The following SLC8A1 variants were observed in gnomAD, a reference collection of about 807,000 sequenced individuals.
SLC8A1 encodes solute carrier family 8 member A1, also known as sodium/calcium exchanger 1.
SLC8A1 carries 18 observed loss-of-function variants against 68.3 expected under a neutral mutation model. The ratio of observed to expected loss-of-function variants is 0.26; its 90% CI spans 0.18 to 0.39. The LOEUF (loss-of-function observed/expected upper bound fraction) is 0.39, where lower values mean the gene tolerates loss of function less well. Ranked by LOEUF, SLC8A1 falls within the 10% of genes least tolerant of loss-of-function variation. The probability of loss-of-function intolerance (pLI) is 1.00; values close to 1 mark genes in which losing one functional copy is unlikely to be tolerated. For synonymous variants in SLC8A1, 475 were observed against 415.5 expected (o/e 1.14, Z -1.74); for missense variants, 985 against 1,156.7 (o/e 0.85, Z 2.15).
At chr2:40,318,782 G>A (rs938465614) in intron 2 of SLC8A1, among the ~76,000 whole-genome samples, 2 of 152,060 alleles carry the variant, frequency 1.3e-5, no homozygotes, top group African/African-American at 4.8e-5. Flanking sequence ...GTTACACAAG[G>A]CTCTATCAGA....
At chr2:40,254,002 A>T (rs1025825141) in intron 2 of SLC8A1, among the ~76,000 whole-genome samples, 20 of 152,180 alleles carry the variant, frequency 1.3e-4, no homozygotes, top group Admixed American at 1.1e-3. Context: ...TTATATTTCA[A>T]AATAGCTAGA....
intron 2 of SLC8A1, among the ~76,000 whole-genome samples, chr2:40,202,455 A>G (rs1196048588): frequency 6.6e-6 from 1 of 152,002 alleles, no homozygotes; most frequent in Non-Finnish European, 1.5e-5. Context: ...CCTGATTGTT[A>G]ATAGTGAACT....
intron 2 of SLC8A1, among the ~76,000 whole-genome samples, chr2:40,385,083 C>T (rs1485715112): frequency 3.3e-5 from 5 of 151,972 alleles, no homozygotes; most frequent in African/African-American, 1.2e-4. Context: ...TCCTATAGTA[C>T]TCAAAAATTC....
intron 2 of SLC8A1, among the ~76,000 whole-genome samples, chr2:40,383,385 A>G (rs999432629): frequency 1.2e-4 from 18 of 152,152 alleles, no homozygotes; most frequent in African/African-American, 4.3e-4. Flanking sequence ...CCATGTTTAT[A>G]AGAAACATTT....
chr2:40,405,307 A>C (rs997295549), intron 2 of SLC8A1, among the ~76,000 whole-genome samples: 1 of 152,234 alleles, frequency 6.6e-6, no homozygotes, highest in African/African-American at 2.4e-5. Flanking sequence ...CAATTGCTAA[A>C]GCAATTTCTG....
chr2:40,328,111 T>C (rs1408500335), intron 2 of SLC8A1, among the ~76,000 whole-genome samples: 3 of 152,232 alleles, frequency 2.0e-5, no homozygotes, highest in Non-Finnish European at 1.5e-5. Context: ...AGAGTTAGAC[T>C]TTTGGGATAT....
At chr2:40,153,232 T>C (rs2043794787) in intron 6 of SLC8A1, among the ~76,000 whole-genome samples, 1 of 152,148 alleles carries the variant, frequency 6.6e-6, no homozygotes, top group Non-Finnish European at 1.5e-5. Context: ...TTTATGAGAA[T>C]GAAGGGTCTT....
chr2:40,140,445 A>G (rs1163893475), intron 6 of SLC8A1, among the ~76,000 whole-genome samples: 2 of 152,158 alleles, frequency 1.3e-5, no homozygotes, highest in Non-Finnish European at 2.9e-5. Flanking sequence ...TCCTTCTCAG[A>G]GGAGCTTCCC....
intron 2 of SLC8A1, among the ~76,000 whole-genome samples, chr2:40,306,402 A>C (rs1294530379): frequency 6.6e-6 from 1 of 151,224 alleles, no homozygotes; most frequent in East Asian, 2.0e-4. Flanking sequence ...GGCTGTGAGA[A>C]TACTGAAGGT....
intron 2 of SLC8A1, among the ~76,000 whole-genome samples, chr2:40,256,760 C>T (rs1303037483): frequency 6.6e-6 from 1 of 152,190 alleles, no homozygotes; most frequent in Non-Finnish European, 1.5e-5. Flanking sequence ...CCCCAGAACA[C>T]ACTTTAGGCC....
chr2:40,236,393 G>A (rs1187543237), intron 2 of SLC8A1, among the ~76,000 whole-genome samples: 2 of 152,146 alleles, frequency 1.3e-5, no homozygotes, highest in African/African-American at 2.4e-5. Flanking sequence ...TTGGTTTAAG[G>A]TCTGTTTTAT....
At chr2:40,485,041 G>C (rs959753872) in intron 1 of SLC8A1, among the ~76,000 whole-genome samples, 1 of 152,104 alleles carries the variant, frequency 6.6e-6, no homozygotes, top group African/African-American at 2.4e-5. Context: ...AAGAATAAGA[G>C]CTTGCTGGCC....
chr2:40,379,026 C>T (rs942360511), intron 2 of SLC8A1, among the ~76,000 whole-genome samples: 3 of 152,104 alleles, frequency 2.0e-5, no homozygotes, highest in Non-Finnish European at 4.4e-5. Context: ...TGAGGGCAGG[C>T]TCTTTGTCCA....
At chr2:40,317,374 T>C (rs1487527319) in intron 2 of SLC8A1, among the ~76,000 whole-genome samples, 2 of 152,072 alleles carry the variant, frequency 1.3e-5, no homozygotes, top group African/African-American at 4.8e-5. Flanking sequence ...AAAATAGTTG[T>C]TTTGGTTTAA....
chr2:40,197,724 CATTTTCCTGTTGAA>C (rs1340412522), intron 2 of SLC8A1, among the ~76,000 whole-genome samples: 1 of 151,922 alleles, frequency 6.6e-6, no homozygotes, highest in Non-Finnish European at 1.5e-5. Flanking sequence ...GTCTCCCAGA[CATTTTCCTGTTGAA>C]ATTTTCCCCA....
At chr2:40,176,822 T>C (rs71439277) in intron 3 of SLC8A1, among the ~76,000 whole-genome samples, 1,617 of 152,304 alleles carry the variant, frequency 0.011, 8 homozygotes, top group African/African-American at 0.016. Flanking sequence ...ATAAGAGCTA[T>C]TAATATGTGG....
chr2:40,207,967 T>G (rs1239046912), intron 2 of SLC8A1, among the ~76,000 whole-genome samples: 1 of 152,072 alleles, frequency 6.6e-6, no homozygotes, highest in East Asian at 1.9e-4. Context: ...GAAGTAACCT[T>G]AGGGTCCGTG....
chr2:40,428,424 CA>C (rs2149780960), intron 2 of SLC8A1, 48 bp downstream of exon 2: 11 of 9,030 alleles, frequency 1.2e-3, no homozygotes, highest in Non-Finnish European at 6.7e-3. Context: ...CACACTGAAC[CA>C]CACACACACA....
intron 1 of SLC8A1, among the ~76,000 whole-genome samples, chr2:40,431,291 T>G (rs914794270): frequency 1.3e-5 from 2 of 152,066 alleles, no homozygotes; most frequent in Non-Finnish European, 2.9e-5. Context: ...CTAAAATACA[T>G]ATTAGTTCTG....
Sources: allele counts gnomAD v4.1 joint callset (sites outside exome capture counted in the v4.1 genomes callset), GRCh38; gene constraint gnomAD v4.1.1; transcripts MANE v1.5; gene names NCBI Gene and HGNC (gene_info 2026-07-23, HGNC 2026-07-21).